Variants in MAF observed in about 807,000 individuals in gnomAD.
MAF encodes transcription factor Maf.
A neutral mutation model predicts 22.0 loss-of-function variants in MAF; 10 were observed. The observed-to-expected ratio is 0.45, with a 90% confidence interval of 0.28 to 0.77. MAF has a LOEUF of 0.77. MAF is among the 30% of genes least tolerant of loss of function. The pLI is 0.12. For missense variants in MAF, 544 were observed against 548.4 expected (o/e 0.99, Z 0.08); for synonymous variants, 337 against 255.8 (o/e 1.32, Z -3.03).
chr16:79,575,481 T>A, the MAF span, among the ~76,000 whole-genome samples: 71 of 152,296 alleles, frequency 4.7e-4, no homozygotes, highest in Admixed American at 1.7e-3. Context: ...GATGAACACC[T>A]GACCAAGAGG....
chr16:79,236,602 G>C, the MAF span, among the ~76,000 whole-genome samples: 1 of 152,048 alleles, frequency 6.6e-6, no homozygotes, highest in South Asian at 2.1e-4. Flanking sequence ...AAGGGGCTCA[G>C]GAAATATTGT....
the MAF span, among the ~76,000 whole-genome samples, chr16:79,357,166 G>T: frequency 6.6e-6 from 1 of 152,278 alleles, no homozygotes; most frequent in East Asian, 1.9e-4. Flanking sequence ...TGAGGCAGGA[G>T]AATTGCTTGA....
the MAF span, among the ~76,000 whole-genome samples, chr16:79,566,204 T>C: frequency 2.0e-5 from 3 of 152,178 alleles, no homozygotes; most frequent in Non-Finnish European, 4.4e-5. Context: ...GACCAATTAA[T>C]TGCCAACACT....
At chr16:79,243,661 C>G in the MAF span, among the ~76,000 whole-genome samples, 1 of 151,860 alleles carries the variant, frequency 6.6e-6, no homozygotes, top group Non-Finnish European at 1.5e-5. Context: ...GTACCATTCC[C>G]TCTAAAACTA....
the MAF span, among the ~76,000 whole-genome samples, chr16:79,403,609 G>C: frequency 6.6e-6 from 1 of 152,174 alleles, no homozygotes. Flanking sequence ...CAGGGGCCTT[G>C]CCTGACCCAC....
chr16:79,502,246 A>G, the MAF span, among the ~76,000 whole-genome samples: 1 of 152,172 alleles, frequency 6.6e-6, no homozygotes, highest in African/African-American at 2.4e-5. Context: ...AGCCAAGCAC[A>G]AGCCTGCTGG....
At chr16:79,351,742 A>G in the MAF span, among the ~76,000 whole-genome samples, 3 of 152,076 alleles carry the variant, frequency 2.0e-5, no homozygotes, top group Non-Finnish European at 2.9e-5. Context: ...TGTGGCAGGA[A>G]GTGACATCCC....
At chr16:79,541,173 T>C in the MAF span, among the ~76,000 whole-genome samples, 1 of 152,216 alleles carries the variant, frequency 6.6e-6, no homozygotes, top group Non-Finnish European at 1.5e-5. Context: ...CAATTACTTT[T>C]ACCATTACTG....
the MAF span, among the ~76,000 whole-genome samples, chr16:79,470,014 T>C: frequency 9.9e-5 from 15 of 152,238 alleles, no homozygotes; most frequent in African/African-American, 3.4e-4. Context: ...ATATAATCTC[T>C]ACCTCGCTCA....
the MAF span, among the ~76,000 whole-genome samples, chr16:79,326,553 T>C: frequency 6.6e-6 from 1 of 152,230 alleles, no homozygotes; most frequent in Non-Finnish European, 1.5e-5. Flanking sequence ...AAATTAGTTT[T>C]AGAGACAGTA....
chr16:79,401,613 G>T, the MAF span, among the ~76,000 whole-genome samples: 24 of 152,166 alleles, frequency 1.6e-4, no homozygotes, highest in Admixed American at 1.2e-3. Flanking sequence ...TTTAGAGAAA[G>T]AAATGATGCC....
At chr16:79,271,045 C>T in the MAF span, among the ~76,000 whole-genome samples, 7 of 151,876 alleles carry the variant, frequency 4.6e-5, no homozygotes, top group African/African-American at 1.2e-4. Context: ...GGATTACAAG[C>T]GCCCGCCACC....
chr16:79,228,822 A>T, the MAF span, among the ~76,000 whole-genome samples: 1 of 151,880 alleles, frequency 6.6e-6, no homozygotes, highest in Non-Finnish European at 1.5e-5. Flanking sequence ...CAGGGTTTCC[A>T]CCAAGGGTGC....
the MAF span, among the ~76,000 whole-genome samples, chr16:79,551,595 T>C: frequency 6.6e-6 from 1 of 152,200 alleles, no homozygotes; most frequent in African/African-American, 2.4e-5. Flanking sequence ...CCCTGGATTG[T>C]ATAACTGTCT....
At chr16:79,280,837 G>C in the MAF span, among the ~76,000 whole-genome samples, 3 of 152,200 alleles carry the variant, frequency 2.0e-5, no homozygotes, top group African/African-American at 7.2e-5. Flanking sequence ...CTAAGACAGC[G>C]TGGGAACATT....
At chr16:79,339,858 G>A in the MAF span, among the ~76,000 whole-genome samples, 2 of 152,156 alleles carry the variant, frequency 1.3e-5, no homozygotes, top group Non-Finnish European at 2.9e-5. Flanking sequence ...GTAAAGCAAA[G>A]CCAACACTGG....
chr16:79,519,901 G>C, the MAF span, among the ~76,000 whole-genome samples: 2 of 152,210 alleles, frequency 1.3e-5, no homozygotes, highest in Non-Finnish European at 2.9e-5. Context: ...CTCCTGGCAC[G>C]GCCATGTGTC....
chr16:79,313,744 C>T, the MAF span, among the ~76,000 whole-genome samples: 12 of 152,148 alleles, frequency 7.9e-5, no homozygotes, highest in South Asian at 2.1e-4. Context: ...TATCTCACTC[C>T]GCTCTCAATG....
chr16:79,531,161 C>T, the MAF span, among the ~76,000 whole-genome samples: 1 of 152,172 alleles, frequency 6.6e-6, no homozygotes, highest in Non-Finnish European at 1.5e-5. Flanking sequence ...GTTGCTAGAG[C>T]TTGTATAAGC....
Sources: allele counts gnomAD v4.1 joint callset (sites outside exome capture counted in the v4.1 genomes callset), GRCh38; gene constraint gnomAD v4.1.1; transcripts MANE v1.5; gene names NCBI Gene and HGNC (gene_info 2026-07-23, HGNC 2026-07-21).